The following DPP6 variants were observed in gnomAD, a reference collection of about 807,000 sequenced individuals.
DPP6 encodes A-type potassium channel modulatory protein DPP6.
DPP6 carries 69 observed loss-of-function variants against 122.6 expected under a neutral mutation model. That is an observed-to-expected ratio of 0.56 (90% confidence interval 0.46 to 0.69). The LOEUF is 0.69. DPP6 is among the 30% of genes least tolerant of loss of function. The probability of loss-of-function intolerance (pLI) is 0.00; values close to 1 mark genes in which losing one functional copy is unlikely to be tolerated. For missense variants in DPP6, 928 were observed against 1,116.9 expected (o/e 0.83, Z 2.41); for synonymous variants, 418 against 433.1 (o/e 0.97, Z 0.43).
At chr7:154,340,168 A>C (rs1385045923) in intron 1 of DPP6, among the ~76,000 whole-genome samples, 3 of 152,200 alleles carry the variant, frequency 2.0e-5, no homozygotes, top group Non-Finnish European at 4.4e-5. Context: ...ATGTGCAAAA[A>C]TCAAATATTT....
intron 1 of DPP6, among the ~76,000 whole-genome samples, chr7:154,127,654 C>CACACACACACACACACACAG (rs1808029265): frequency 7.1e-6 from 1 of 140,698 alleles, no homozygotes; most frequent in African/African-American, 2.7e-5. Context: ...CACACACAGA[C>CACACACACACACACACACAG]ACACACACAC....
intron 1 of DPP6, among the ~76,000 whole-genome samples, chr7:154,442,728 T>G (rs1401918102): frequency 6.6e-6 from 1 of 152,144 alleles, no homozygotes; most frequent in Non-Finnish European, 1.5e-5. Context: ...AAGGGATACA[T>G]AAATATATCC....
intron 10 of DPP6, among the ~76,000 whole-genome samples, chr7:154,787,711 G>A (rs1303177990): frequency 6.6e-6 from 1 of 152,166 alleles, no homozygotes; most frequent in African/African-American, 2.4e-5. Flanking sequence ...TATGTAAGGT[G>A]CTAAAAAATG....
chr7:154,460,791 A>C (rs932687886), intron 2 of DPP6, among the ~76,000 whole-genome samples: 2 of 152,226 alleles, frequency 1.3e-5, no homozygotes, highest in African/African-American at 4.8e-5. Context: ...AATGATAAAC[A>C]CACCAGGGTA....
chr7:154,588,444 C>T (rs1351653733), intron 5 of DPP6: 22 of 203,458 alleles, frequency 1.1e-4, no homozygotes, highest in Non-Finnish European at 2.0e-4. Context: ...ATTTTCCTGG[C>T]TCATACAGTG....
intron 6 of DPP6, among the ~76,000 whole-genome samples, chr7:154,668,197 T>TTATATATATATATATATATATA (rs10668895): frequency 0.069 from 2,503 of 36,086 alleles, 421 homozygotes; most frequent in Non-Finnish European, 0.14. Context: ...TGTGTATATT[T>TTATATATATATATATATATATA]TATATATATA....
intron 1 of DPP6, among the ~76,000 whole-genome samples, chr7:154,120,009 C>A (rs895103341): frequency 6.6e-6 from 1 of 151,934 alleles, no homozygotes. Flanking sequence ...ACTCGACAGA[C>A]CTTTACTTCC....
At chr7:153,866,987 C>G in the DPP6 span, among the ~76,000 whole-genome samples, 2 of 152,150 alleles carry the variant, frequency 1.3e-5, no homozygotes, top group Non-Finnish European at 2.9e-5. Context: ...TCTGAGGGCT[C>G]TGTTCTGTTC....
rs527671696 is a variant in DPP6, at chr7:154,076,189, C to T, written c.243+23126C>T. On this transcript the variant is annotated intron_variant, in intron 1 of 25. Transcript: ENST00000377770. ...AAAAGGCTGGGCGCAGTGCCTCACA[C>T]CTATAATCCCAGCGCTTTGGGAGGC... Among the ~76,000 whole-genome samples, 6 of 152,288 alleles carry T rather than the reference C, an allele frequency of 3.9e-5. No homozygotes were observed. The East Asian group carries it at 1.2e-3, about 29-fold the overall frequency.
In DPP6 at chr7:154,064,866, G is replaced by A. The variant is rs1366983804; in HGVS notation, c.243+11803G>A. Among the ~76,000 whole-genome samples, 7 of 152,292 alleles carry A rather than the reference G, an allele frequency of 4.6e-5. No homozygotes were observed. In the East Asian group the frequency reaches 5.8e-4, roughly 13 times the overall value. On this transcript the variant is annotated intron_variant, in intron 1 of 25. Transcript: ENST00000377770. The stretch of plus-strand genomic sequence containing the variant: ...CAGTTGTGTTGTCAGAGCCTGCACC[G>A]CAAGCGCGTTGCACAGACAGGAACA...
At chr7:154,120,858 T>TC (rs925393717) in intron 1 of DPP6, among the ~76,000 whole-genome samples, 4 of 152,240 alleles carry the variant, frequency 2.6e-5, no homozygotes, top group African/African-American at 9.6e-5. Flanking sequence ...TGTCAAAGAA[T>TC]CAACTTTTGG....
intron 21 of DPP6, among the ~76,000 whole-genome samples, chr7:154,881,696 C>T (rs1805400772): frequency 1.3e-5 from 2 of 152,234 alleles, no homozygotes; most frequent in Admixed American, 6.5e-5. Context: ...GTCATCGCCT[C>T]CAAAACCTCA....
intron 8 of DPP6, among the ~76,000 whole-genome samples, chr7:154,731,732 TA>T (rs1343301053): frequency 2.6e-5 from 4 of 152,346 alleles, no homozygotes; most frequent in Admixed American, 6.5e-5. Flanking sequence ...TTGATTTTAA[TA>T]AAAACTAAAG....
intron 25 of DPP6, 85 bp downstream of exon 25, chr7:154,889,615 C>G: frequency 6.5e-7 from 1 of 1,540,942 alleles, no homozygotes; most frequent in Non-Finnish European, 8.8e-7. Flanking sequence ...TCAGGGCCTT[C>G]TACTGCAGCA....
At chr7:154,717,453 A>C (rs1336527946) in intron 7 of DPP6, among the ~76,000 whole-genome samples, 7 of 151,930 alleles carry the variant, frequency 4.6e-5, no homozygotes, top group Admixed American at 4.6e-4. Context: ...CTTCTATGAG[A>C]GCAATGTTTT....
chr7:154,817,377 T>C (rs889688063), intron 16 of DPP6, among the ~76,000 whole-genome samples: 1 of 152,058 alleles, frequency 6.6e-6, no homozygotes, highest in Admixed American at 6.5e-5. Flanking sequence ...GTCACAAAAG[T>C]CATGATGTCA....
At chr7:153,771,136 T>G in the DPP6 span, among the ~76,000 whole-genome samples, 2 of 152,084 alleles carry the variant, frequency 1.3e-5, no homozygotes, top group African/African-American at 4.8e-5. Flanking sequence ...TCAAGAATAC[T>G]CTATAAATAA....
rs1799772243 is a variant in DPP6 at position 154,821,640 on chromosome 7, A to G, written c.1666+14528A>G. On this transcript the variant is annotated intron_variant, in intron 16 of 25. Transcript: ENST00000377770. This position sits in a 1 kb window ranked among gnomAD's most constrained non-coding sequence, Gnocchi z 4.2. ...ATATTTTTTTTCTGTATATATATAT[A>G]TATATACACATATATATATATATAC... 1.2e-5 allele frequency among the ~76,000 whole-genome samples: 1 copy of G among 86,846 alleles called. No individual in the cohort carries two copies. Among genetic ancestry groups the G allele is most frequent in the African/African-American group, 6.7e-5 (1 of 14,866 alleles). 57.0% of individuals were successfully genotyped at this position (86,846 alleles called of 152,430 possible).
the DPP6 span, among the ~76,000 whole-genome samples, chr7:153,757,686 G>A: frequency 3.3e-5 from 5 of 152,200 alleles, no homozygotes; most frequent in African/African-American, 9.6e-5. Context: ...GGCCGGGCAC[G>A]GTGGTTCACA....
Sources: allele counts gnomAD v4.1 joint callset (sites outside exome capture counted in the v4.1 genomes callset), GRCh38; gene constraint gnomAD v4.1.1; non-coding constraint Gnocchi (gnomAD v3.1); transcripts MANE v1.5; gene names NCBI Gene and HGNC (gene_info 2026-07-23, HGNC 2026-07-21).